Variants in ASCC3 observed in about 807,000 individuals in gnomAD.
The protein encoded by ASCC3 is activating signal cointegrator 1 complex subunit 3.
Under a neutral mutation model 256.3 loss-of-function variants are expected in ASCC3, and 158 were observed. That is an observed-to-expected ratio of 0.62 (90% confidence interval 0.54 to 0.70). ASCC3 has a LOEUF of 0.70. Among genes scored for constraint, ASCC3 ranks in the 30% least tolerant of loss-of-function variants. The pLI is 0.00. For missense variants in ASCC3, 2,259 were observed against 2,626.0 expected, an observed-to-expected ratio of 0.86 and a Z score of 3.05; for synonymous variants, 948 against 883.4, an observed-to-expected ratio of 1.07 and a Z score of -1.30.
At chr6:100,600,205 G>GCACACACACA (rs56886686) in intron 34 of ASCC3, among the ~76,000 whole-genome samples, 26 of 145,872 alleles carry the variant, frequency 1.8e-4, no homozygotes, top group Middle Eastern at 3.5e-3. Context: ...ACATGCACAT[G>GCACACACACA]CACACACACA....
At chr6:100,722,537 A>G (rs980277354) in intron 11 of ASCC3, among the ~76,000 whole-genome samples, 1 of 151,816 alleles carries the variant, frequency 6.6e-6, no homozygotes, top group African/African-American at 2.4e-5. Flanking sequence ...ACACCAGCCT[A>G]AAATCTAAGT....
At chr6:100,832,286 GTGATACATTTAAGTGC>G (rs1771660476) in intron 4 of ASCC3, among the ~76,000 whole-genome samples, 2 of 152,094 alleles carry the variant, frequency 1.3e-5, no homozygotes, top group African/African-American at 4.8e-5. Flanking sequence ...AGGAAGTGGG[GTGATACATTTAAGTGC>G]TGAGAGAAAG....
At chr6:100,585,373 G>T (rs545996191) in intron 36 of ASCC3, among the ~76,000 whole-genome samples, 2 of 151,684 alleles carry the variant, frequency 1.3e-5, no homozygotes, top group Non-Finnish European at 2.9e-5. Flanking sequence ...TGATCACATC[G>T]GCTCCTGAGG....
chr6:100,647,719 G>A (rs1030546833), intron 20 of ASCC3, among the ~76,000 whole-genome samples: 5 of 152,032 alleles, frequency 3.3e-5, no homozygotes, highest in South Asian at 2.1e-4. Flanking sequence ...TTCTAAACAG[G>A]AATGAAGTAG....
intron 10 of ASCC3, among the ~76,000 whole-genome samples, chr6:100,743,397 A>C (rs566377411): frequency 6.6e-6 from 1 of 152,092 alleles, no homozygotes; most frequent in South Asian, 2.1e-4. Flanking sequence ...TTTCGGCCAT[A>C]AGCTGATTCT....
chr6:100,786,548 A>C (rs2114282677), intron 8 of ASCC3, among the ~76,000 whole-genome samples: 1 of 152,306 alleles, frequency 6.6e-6, no homozygotes, highest in African/African-American at 2.4e-5. Context: ...CTTTGCAAAG[A>C]CTTTGAGCAA....
At chr6:100,515,704 G>C (rs995814732) in intron 39 of ASCC3, among the ~76,000 whole-genome samples, 3 of 152,096 alleles carry the variant, frequency 2.0e-5, no homozygotes, top group Admixed American at 6.6e-5. Context: ...ATTATAATAA[G>C]AGAGGGGCAT....
intron 10 of ASCC3, among the ~76,000 whole-genome samples, chr6:100,745,521 AAAC>A (rs1386704497): frequency 3.9e-5 from 6 of 151,948 alleles, no homozygotes; most frequent in South Asian, 2.1e-4. Context: ...AAAAAACAAA[AAAC>A]AACAACAAGA....
intron 34 of ASCC3, among the ~76,000 whole-genome samples, chr6:100,596,369 T>G (rs1346798268): frequency 1.3e-5 from 2 of 152,198 alleles, no homozygotes; most frequent in African/African-American, 4.8e-5. Flanking sequence ...AATCCTCTTT[T>G]TTATGAAATA....
chr6:100,679,790 T>G, intron 13 of ASCC3, 38 bp from the exon 14 acceptor site: 1 of 1,600,418 alleles, frequency 6.2e-7, no homozygotes, highest in Non-Finnish European at 8.6e-7. Flanking sequence ...ATATTCCAAT[T>G]AATTAAATTA....
At chr6:100,751,242 C>T (rs910021280) in intron 10 of ASCC3, among the ~76,000 whole-genome samples, 4 of 151,980 alleles carry the variant, frequency 2.6e-5, no homozygotes, top group Non-Finnish European at 4.4e-5. Flanking sequence ...TTATGTTACA[C>T]TAATATATCT....
chr6:100,557,483 T>C (rs1769657732), intron 36 of ASCC3, among the ~76,000 whole-genome samples: 1 of 152,318 alleles, frequency 6.6e-6, no homozygotes, highest in Non-Finnish European at 1.5e-5. Context: ...GAACTCATTA[T>C]AATAAAACGT....
chr6:100,666,892 A>G (rs776512367), intron 14 of ASCC3, among the ~76,000 whole-genome samples: 1 of 152,208 alleles, frequency 6.6e-6, no homozygotes, highest in African/African-American at 2.4e-5. Flanking sequence ...GAGAAGATCA[A>G]TAAGAAACAT....
At chr6:100,575,836 A>C (rs1462026058) in intron 36 of ASCC3, among the ~76,000 whole-genome samples, 4 of 151,978 alleles carry the variant, frequency 2.6e-5, no homozygotes, top group Non-Finnish European at 4.4e-5. Flanking sequence ...ATTTTCCCTA[A>C]CTTTGAAGCT....
intron 12 of ASCC3, among the ~76,000 whole-genome samples, chr6:100,715,955 A>G (rs1779069313): frequency 1.3e-5 from 2 of 152,002 alleles, no homozygotes; most frequent in Admixed American, 1.3e-4. Context: ...TTGCGAGAAC[A>G]CTACGGATCA....
intron 22 of ASCC3, among the ~76,000 whole-genome samples, chr6:100,645,989 A>G (rs966313098): frequency 5.3e-5 from 8 of 152,166 alleles, no homozygotes; most frequent in African/African-American, 1.9e-4. Context: ...CTACAAGTCT[A>G]ATGTTTCAAA....
intron 37 of ASCC3, among the ~76,000 whole-genome samples, chr6:100,534,348 G>T (rs1344732982): frequency 6.6e-6 from 1 of 152,150 alleles, no homozygotes; most frequent in Non-Finnish European, 1.5e-5. Flanking sequence ...ATTAGTTCTG[G>T]TTTTGTCACC....
chr6:100,766,451 T>C lies in ASCC3; in HGVS notation c.1737+114A>G, dbSNP rs1461489441. Reference sequence around the variant, plus strand: ...GATGTGGTTACAAATAAAAGTTCACTATATTATGTTTGTATTATGTATTCT... The same window carrying C: ...GATGTGGTTACAAATAAAAGTTCACCATATTATGTTTGTATTATGTATTCT... On this transcript the variant is annotated intron_variant, in intron 10 of 41. Coordinates refer to ENST00000369162, the MANE Select transcript of ASCC3 (RefSeq NM_006828.4). The C allele has an allele frequency of 8.9e-6, 10 of 1,127,776 alleles. 1 individual carries two copies. Among genetic ancestry groups the C allele is most frequent in the South Asian group, 6.9e-5 (5 of 71,972 alleles). The allele number at this position is 1,127,776 out of a possible 1,614,324, so 69.9% of individuals were successfully genotyped here.
At chr6:100,596,579 T>C (rs1772310786) in intron 34 of ASCC3, among the ~76,000 whole-genome samples, 1 of 152,164 alleles carries the variant, frequency 6.6e-6, no homozygotes, top group South Asian at 2.1e-4. Context: ...TTTTTTTGCC[T>C]CGAATTTGGT....
Sources: allele counts gnomAD v4.1 joint callset (sites outside exome capture counted in the v4.1 genomes callset), GRCh38; gene constraint gnomAD v4.1.1; transcripts MANE v1.5; gene names NCBI Gene and HGNC (gene_info 2026-07-23, HGNC 2026-07-21).